Variants in ZNF503 observed in about 807,000 individuals in gnomAD.
The protein encoded by ZNF503 is NocA-like zinc finger 2.
Under a neutral mutation model 34.4 loss-of-function variants are expected in ZNF503, and 15 were observed. The ratio of observed to expected loss-of-function variants is 0.44; its 90% CI spans 0.29 to 0.67. The LOEUF (loss-of-function observed/expected upper bound fraction) is 0.67, where lower values mean the gene tolerates loss of function less well. Ranked by LOEUF, ZNF503 falls within the 30% of genes least tolerant of loss-of-function variation. The probability of loss-of-function intolerance (pLI) is 0.13; values close to 1 mark genes in which losing one functional copy is unlikely to be tolerated. For missense variants in ZNF503, 1,007 were observed against 926.8 expected, an observed-to-expected ratio of 1.09 and a Z score of -1.12; for synonymous variants, 580 against 456.8, an observed-to-expected ratio of 1.27 and a Z score of -3.44.
At chr10:75,336,390 A>AAG in the ZNF503 span, among the ~76,000 whole-genome samples, 18 of 151,730 alleles carry the variant, frequency 1.2e-4, no homozygotes, top group African/African-American at 4.3e-4. Context: ...AAAAAAAAAA[A>AAG]AAGCCTAAGC....
At chr10:75,343,260 A>T in the ZNF503 span, 1 of 152,166 alleles carries the variant, frequency 6.6e-6, no homozygotes, top group South Asian at 2.1e-4. Context: ...TGGTGAGCTC[A>T]TTTCCACCAG....
chr10:75,382,661 G>A, the ZNF503 span: 2 of 355,556 alleles, frequency 5.6e-6, no homozygotes, highest in South Asian at 2.6e-5. Flanking sequence ...TTCTACCTGA[G>A]TCCCCCATTC....
At chr10:75,305,730 C>A in the ZNF503 span, among the ~76,000 whole-genome samples, 4 of 152,170 alleles carry the variant, frequency 2.6e-5, no homozygotes, top group African/African-American at 9.6e-5. Flanking sequence ...AATCTGACTA[C>A]TCTAGGTACC....
chr10:75,389,971 C>A, the ZNF503 span, among the ~76,000 whole-genome samples: 1 of 152,142 alleles, frequency 6.6e-6, no homozygotes, highest in Non-Finnish European at 1.5e-5. Context: ...GCGCTCACTG[C>A]AAGCTCTGCC....
At chr10:75,294,392 C>T in the ZNF503 span, among the ~76,000 whole-genome samples, 4 of 152,188 alleles carry the variant, frequency 2.6e-5, no homozygotes, top group African/African-American at 4.8e-5. Context: ...GGACGGGGTT[C>T]CCCTGGAGCT....
chr10:75,354,532 G>A, the ZNF503 span, among the ~76,000 whole-genome samples: 1 of 151,670 alleles, frequency 6.6e-6, no homozygotes. Context: ...GCACAGTATA[G>A]TAGGATCCTA....
At chr10:75,391,935 G>T in the ZNF503 span, among the ~76,000 whole-genome samples, 1 of 152,150 alleles carries the variant, frequency 6.6e-6, no homozygotes, top group Admixed American at 6.5e-5. Flanking sequence ...AACATAAAGA[G>T]AATATGATGG....
the ZNF503 span, among the ~76,000 whole-genome samples, chr10:75,318,668 C>CA: frequency 0.24 from 28,452 of 116,974 alleles, 3,373 homozygotes; most frequent in East Asian, 0.47. Flanking sequence ...GATCCTGTCT[C>CA]AAAAAAAAAA....
At chr10:75,315,904 T>C in the ZNF503 span, among the ~76,000 whole-genome samples, 1 of 152,254 alleles carries the variant, frequency 6.6e-6, no homozygotes, top group African/African-American at 2.4e-5. Context: ...AGATATTCCA[T>C]GTAAATAGAA....
the ZNF503 span, among the ~76,000 whole-genome samples, chr10:75,303,201 C>T: frequency 2.0e-5 from 3 of 152,208 alleles, no homozygotes; most frequent in African/African-American, 7.2e-5. Context: ...CAATGCCCCT[C>T]CTCCAAGCCA....
downstream of ZNF503, among the ~76,000 whole-genome samples, chr10:75,396,606 T>C (rs888713657): frequency 1.3e-4 from 20 of 151,626 alleles, no homozygotes; most frequent in African/African-American, 4.9e-4. The surrounding 1 kb of genome is among the most constrained non-coding windows in gnomAD (Gnocchi z 4.4). Context: ...CGGCCGTGAG[T>C]CCCCAGAGGC....
At chr10:75,332,295 G>T in the ZNF503 span, among the ~76,000 whole-genome samples, 3 of 151,770 alleles carry the variant, frequency 2.0e-5, no homozygotes, top group Admixed American at 2.0e-4. Flanking sequence ...CCTTTTCACT[G>T]TGTTCCAAAT....
the ZNF503 span, among the ~76,000 whole-genome samples, chr10:75,359,249 C>T: frequency 6.6e-6 from 1 of 152,202 alleles, no homozygotes; most frequent in Non-Finnish European, 1.5e-5. Flanking sequence ...AGCTTTTAAC[C>T]CTGCAGTTAA....
the ZNF503 span, among the ~76,000 whole-genome samples, chr10:75,298,243 T>A: frequency 6.6e-6 from 1 of 152,206 alleles, no homozygotes; most frequent in Non-Finnish European, 1.5e-5. Flanking sequence ...GAAGGTAAAA[T>A]TATGTGTTTC....
chr10:75,376,924 T>C, the ZNF503 span, among the ~76,000 whole-genome samples: 1 of 152,316 alleles, frequency 6.6e-6, no homozygotes, highest in Non-Finnish European at 1.5e-5. Context: ...CACCTGGTCC[T>C]GCCCTTGACA....
the ZNF503 span, among the ~76,000 whole-genome samples, chr10:75,309,398 G>T: frequency 6.6e-6 from 1 of 152,152 alleles, no homozygotes; most frequent in South Asian, 2.1e-4. Flanking sequence ...AATTGATGCA[G>T]CAAACTTCAT....
the ZNF503 span, among the ~76,000 whole-genome samples, chr10:75,298,771 T>C: frequency 6.6e-6 from 1 of 152,118 alleles, no homozygotes. Context: ...TTTTTTAATA[T>C]AAATTAAAAA....
chr10:75,339,571 A>G, the ZNF503 span, among the ~76,000 whole-genome samples: 1 of 152,112 alleles, frequency 6.6e-6, no homozygotes, highest in Non-Finnish European at 1.5e-5. Context: ...GGTGGGGGAG[A>G]TATTTTGTCA....
the ZNF503 span, among the ~76,000 whole-genome samples, chr10:75,360,114 C>CTTTTTTTTTTT: frequency 9.2e-6 from 1 of 108,488 alleles, no homozygotes; most frequent in Non-Finnish European, 1.8e-5. Context: ...CCAAAGGTTT[C>CTTTTTTTTTTT]TTTTTTTTTT....
Sources: gnomAD v4.1 joint callset for allele counts (sites outside exome capture counted in the v4.1 genomes callset) on GRCh38, gnomAD v4.1.1 for gene constraint, Gnocchi (gnomAD v3.1) non-coding constraint, MANE v1.5 for transcripts, NCBI Gene and HGNC (gene_info 2026-07-23, HGNC 2026-07-21) for gene names.